TSPAN11: variants seen among roughly 807,000 people sequenced by gnomAD.
TSPAN11 encodes tetraspanin 11.
A neutral mutation model predicts 32.9 loss-of-function variants in TSPAN11; 29 were observed. The ratio of observed to expected loss-of-function variants is 0.88; its 90% CI spans 0.66 to 1.20. TSPAN11 has a LOEUF of 1.20. TSPAN11 is among the 50% of genes most tolerant of loss of function. The pLI, the probability that TSPAN11 is intolerant of heterozygous loss-of-function variation, is 0.00. For missense variants in TSPAN11, 283 were observed against 329.1 expected (o/e 0.86, Z 1.08); for synonymous variants, 140 against 141.3 (o/e 0.99, Z 0.07).
At chr12:30,949,123 G>A (rs915443012) in intron 1 of TSPAN11, among the ~76,000 whole-genome samples, 1 of 152,112 alleles carries the variant, frequency 6.6e-6, no homozygotes. Context: ...GGACCTTATT[G>A]TTCATATCAC....
intron 1 of TSPAN11, among the ~76,000 whole-genome samples, chr12:30,936,880 T>C (rs1480030058): frequency 6.6e-5 from 10 of 152,134 alleles, no homozygotes; most frequent in African/African-American, 2.4e-4. Context: ...GCACAGAATG[T>C]TCCCCACCTC....
At chr12:30,991,059 G>C (rs1364368319) in intron 7 of TSPAN11, among the ~76,000 whole-genome samples, 2 of 152,204 alleles carry the variant, frequency 1.3e-5, no homozygotes, top group Admixed American at 1.3e-4. Flanking sequence ...TTCTGGAAGT[G>C]GGAGAAGTGA....
intron 3 of TSPAN11, among the ~76,000 whole-genome samples, chr12:30,977,013 T>A (rs1383243767): frequency 2.6e-5 from 4 of 152,208 alleles, no homozygotes; most frequent in Non-Finnish European, 5.9e-5. Flanking sequence ...ACACTGTTAT[T>A]CTGAGACTGG....
intron 1 of TSPAN11, among the ~76,000 whole-genome samples, chr12:30,945,228 G>C (rs1286845918): frequency 6.6e-6 from 1 of 151,830 alleles, no homozygotes; most frequent in Non-Finnish European, 1.5e-5. Flanking sequence ...CCCTCCCTCT[G>C]TGTTCCCATT....
chr12:30,965,389 C>T lies in TSPAN11; in HGVS notation c.276+1372C>T, dbSNP rs766234046. 3.9e-5 allele frequency among the ~76,000 whole-genome samples: 6 copies of T among 152,232 alleles called. 1 individual carries two copies. The highest frequency in any genetic ancestry group is 3.3e-4 in the Admixed American group (5 of 15,306). Reference sequence around the variant, plus strand: ...CTCTCACCTGCCTCCTTCCTTCCGTCGGGTCATCTTGTTTAGAGAGGACAG... The same window carrying T: ...CTCTCACCTGCCTCCTTCCTTCCGTTGGGTCATCTTGTTTAGAGAGGACAG... On this transcript the variant is annotated intron_variant, in intron 3 of 7. Coordinates refer to ENST00000546076, the MANE Select transcript of TSPAN11 (RefSeq NM_001370302.1).
intron 7 of TSPAN11, chr12:30,986,967 T>C (rs912349910): frequency 1.5e-4 from 23 of 152,220 alleles, no homozygotes; most frequent in Non-Finnish European, 7.4e-5. Flanking sequence ...GGAAGCATGC[T>C]AAACTATTTA....
the TSPAN11 span, among the ~76,000 whole-genome samples, chr12:31,010,833 C>T: frequency 4.0e-5 from 6 of 151,766 alleles, no homozygotes; most frequent in Non-Finnish European, 8.8e-5. Context: ...CCCAACAGGC[C>T]CTCCCTCCAC....
At chr12:30,984,819 A>G (rs1592496226) in intron 7 of TSPAN11, among the ~76,000 whole-genome samples, 1 of 151,966 alleles carries the variant, frequency 6.6e-6, no homozygotes. Flanking sequence ...CAGTCTCCCA[A>G]AGTGCTGGAA....
chr12:30,979,703 A>G (rs747966987), intron 5 of TSPAN11, 33 bp downstream of exon 5: 2 of 1,601,766 alleles, frequency 1.2e-6, no homozygotes, highest in Non-Finnish European at 1.7e-6. Flanking sequence ...TTGAAGGCCA[A>G]GCCCACAAGG....
intron 2 of TSPAN11, among the ~76,000 whole-genome samples, chr12:30,962,546 C>T (rs1372679320): frequency 6.6e-6 from 1 of 152,160 alleles, no homozygotes; most frequent in Non-Finnish European, 1.5e-5. Context: ...AATACATGTT[C>T]GTTTGCTCAA....
At chr12:30,964,480 T>C (rs969572570) in intron 3 of TSPAN11, among the ~76,000 whole-genome samples, 1 of 152,070 alleles carries the variant, frequency 6.6e-6, no homozygotes, top group Non-Finnish European at 1.5e-5. Context: ...ATGGCAATTT[T>C]CAAAGATATG....
chr12:30,986,241 A>G (rs1345490596), intron 7 of TSPAN11, among the ~76,000 whole-genome samples: 2 of 152,228 alleles, frequency 1.3e-5, no homozygotes, highest in Non-Finnish European at 2.9e-5. Flanking sequence ...AGCTACTGCA[A>G]GAAATCTTGC....
intron 1 of TSPAN11, among the ~76,000 whole-genome samples, chr12:30,947,839 C>T (rs997669091): frequency 3.3e-5 from 5 of 152,126 alleles, no homozygotes; most frequent in Non-Finnish European, 7.3e-5. Flanking sequence ...CCCCCAAAGT[C>T]TTATTTCAGC....
chr12:30,990,521 C>T (rs531616717), intron 7 of TSPAN11, among the ~76,000 whole-genome samples: 23 of 152,348 alleles, frequency 1.5e-4, no homozygotes, highest in Admixed American at 9.8e-4. Flanking sequence ...CCTCCTAAGC[C>T]GCCTTTCAGC....
chr12:30,951,159 T>G (rs1453280715), intron 1 of TSPAN11, among the ~76,000 whole-genome samples: 1 of 152,228 alleles, frequency 6.6e-6, no homozygotes, highest in Non-Finnish European at 1.5e-5. Flanking sequence ...ATGACAGGAT[T>G]CTCATTCTTT....
intron 1 of TSPAN11, among the ~76,000 whole-genome samples, chr12:30,927,876 A>G (rs768330349): frequency 6.6e-6 from 1 of 152,120 alleles, no homozygotes; most frequent in African/African-American, 2.4e-5. Context: ...TGGGACTAAT[A>G]ACCACTGGCC....
At chr12:30,934,227 C>T (rs1381823021) in intron 1 of TSPAN11, among the ~76,000 whole-genome samples, 5 of 152,264 alleles carry the variant, frequency 3.3e-5, no homozygotes, top group African/African-American at 7.2e-5. Context: ...GTCTTGGCCC[C>T]ATGCCTGAGG....
intron 7 of TSPAN11, among the ~76,000 whole-genome samples, chr12:30,985,453 G>T (rs1289678412): frequency 6.6e-6 from 1 of 152,134 alleles, no homozygotes; most frequent in Non-Finnish European, 1.5e-5. Context: ...TCACTCAGCT[G>T]CAGGGCCAGG....
intron 3 of TSPAN11, among the ~76,000 whole-genome samples, chr12:30,974,281 A>T (rs866982171): frequency 6.6e-6 from 1 of 152,252 alleles, no homozygotes; most frequent in Non-Finnish European, 1.5e-5. Context: ...TGTGTGACCC[A>T]GGGTTTTGCA....
Sources: gnomAD v4.1 joint callset for allele counts (sites outside exome capture counted in the v4.1 genomes callset) on GRCh38, gnomAD v4.1.1 for gene constraint, MANE v1.5 for transcripts, NCBI Gene and HGNC (gene_info 2026-07-23, HGNC 2026-07-21) for gene names.